DLL1: variants seen among roughly 807,000 people sequenced by gnomAD.
DLL1 encodes delta like canonical Notch ligand 1.
DLL1 carries 9 observed loss-of-function variants against 75.1 expected under a neutral mutation model. The observed-to-expected ratio is 0.12, with a 90% CI of 0.07 to 0.21. DLL1 has a LOEUF of 0.21. DLL1 is among the 10% of genes least tolerant of loss of function. DLL1 has a pLI of 1.00. For missense variants in DLL1, 837 were observed against 1,007.6 expected (o/e 0.83, Z 2.29); for synonymous variants, 477 against 418.3 (o/e 1.14, Z -1.71).
chr6:170,288,057 G>A (rs951293229), intron 4 of DLL1, 182 bp downstream of exon 4: 3 of 847,292 alleles, frequency 3.5e-6, no homozygotes, highest in African/African-American at 3.4e-5. Context: ...TGTCTGCGTT[G>A]ACCCCAACCC....
rs755985912 is a variant in DLL1, at chr6:170,285,656, G to A, written c.775C>T (p.Arg259Cys). 1.4e-5 allele frequency: 22 copies of A among 1,613,908 alleles called. No homozygotes were observed. Among genetic ancestry groups the A allele is most frequent in the African/African-American group, 6.7e-5 (5 of 74,918 alleles). Residue 259 changes from arginine to cysteine, a missense_variant, in exon 6 of 11, where the codon CGC becomes TGC. Transcript: ENST00000366756. ...WQGRYCDECI[R>C]YPGCLHGTCQ... The stretch of plus-strand genomic sequence containing the variant: ...GTGCCATGGAGACAGCCTGGATAGC[G>A]GATACACTCGTCACAGTACCGGCCC...
Position 170,290,886 on chromosome 6 carries a change from C to A in DLL1, c.-747G>T, listed in dbSNP as rs1783847614. 2.9e-6 allele frequency: 2 copies of A among 687,372 alleles called. No homozygotes were observed. Among genetic ancestry groups the A allele is most frequent in the African/African-American group, 3.5e-5 (2 of 56,886 alleles). 42.6% of individuals were successfully genotyped at this position (687,372 alleles called of 1,614,324 possible). On this transcript the variant is annotated 5_prime_UTR_variant, in exon 1 of 11. Transcript: ENST00000366756. This position sits in a 1 kb window ranked among gnomAD's most constrained non-coding sequence, Gnocchi z 4.7. ...GCTGCCCGGGTTCCCCTGCGCTCTG[C>A]CCTCGGCCGGGTCGGGTCTCCGCGG... is the stretch of plus-strand genomic sequence containing the variant.
intron 8 of DLL1, among the ~76,000 whole-genome samples, chr6:170,284,677 C>A (rs1369681676): frequency 1.3e-5 from 2 of 152,182 alleles, no homozygotes; most frequent in Non-Finnish European, 2.9e-5. Context: ...ACCTTGTGGC[C>A]CTGAGCAAGT....
Position 170,283,493 on chromosome 6 carries a change from A to G in DLL1, c.1786T>C (p.Cys596Arg). 1.2e-6 allele frequency: 2 copies of G among 1,613,608 alleles called. No homozygotes were observed. Among genetic ancestry groups the G allele is most frequent in the Non-Finnish European group, 1.7e-6 (2 of 1,180,022 alleles). Residue 596 changes from cysteine to arginine, a missense_variant, in exon 9 of 11, where the codon TGC becomes CGC. Cys to Arg is a radical substitution (Grantham distance 180). Around this residue, in one of 2 missense-constraint regions of DLL1, gnomAD observed 533 missense variants for 545.7 expected, o/e 0.98. Coordinates refer to ENST00000366756, the MANE Select transcript of DLL1 (RefSeq NM_005618.4). ...ETETMNNLAN[C>R]QREKDISVSI... is the part of the protein sequence containing the mutation. ...ACTGAGATGTCCTTCTCACGCTGGC[A>G]GTTGGCCAGGTTGTTCATGGTCTCC...
chr6:170,285,262 T>A lies in DLL1; in HGVS notation c.1024A>T (p.Ser342Cys), dbSNP rs1228920500. The A allele has an allele frequency of 6.2e-7, 1 of 1,613,974 alleles. No homozygotes were observed. The highest frequency in any genetic ancestry group is 1.3e-5 in the African/African-American group (1 of 74,880). The change falls in exon 7 of 11, where the codon AGC becomes TGC. Residue 342 changes from serine to cysteine, a missense_variant. Transcript: ENST00000366756. Reference sequence around the variant, plus strand: ...TGGAGCCTCCGACTCACCGTGCAGCTCCCTCCGTTCTTACAAGGGCTGGGG... The same window carrying A: ...TGGAGCCTCCGACTCACCGTGCAGCACCCTCCGTTCTTACAAGGGCTGGGG... Reference protein sequence around the residue: ...CDPSPCKNGGSCTDLENSYSC... With the variant: ...CDPSPCKNGGCCTDLENSYSC...
In DLL1 at chr6:170,285,001, G is replaced by A. The variant is rs564085554; in HGVS notation, c.1167C>T (p.Tyr389=). The A allele has an allele frequency of 2.5e-6, 4 of 1,614,156 alleles. No homozygotes were observed. Among genetic ancestry groups the A allele is most frequent in the African/African-American group, 2.7e-5 (2 of 75,036 alleles). ...GRCSDSPDGG[Y]SCRCPVGYSG... is the part of the protein sequence containing the mutation. ...AGTAGCCCACGGGGCAGCGGCAGCT[G>A]TACCCTCCATCGGGGCTGTCTGAGC... Residue 389 remains tyrosine (Y), a synonymous_variant, in exon 8 of 11, where the codon TAC becomes TAT. Transcript: ENST00000366756.
At chr6:170,288,182 T>C in intron 4 of DLL1, 57 bp downstream of exon 4, 1 of 1,612,418 alleles carries the variant, frequency 6.2e-7, no homozygotes, top group Non-Finnish European at 8.5e-7. Context: ...GCCCCGTCCC[T>C]GCGCGCGGTC....
chr6:170,285,014 G>A lies in DLL1; in HGVS notation c.1154C>T (p.Pro385Leu), dbSNP rs1355953420. 6.2e-7 allele frequency: 1 copy of A among 1,614,050 alleles called. No individual in the cohort carries two copies. ...CFNGGRCSDS[P>L]DGGYSCRCPV... is the part of the protein sequence containing the mutation. ...GCAGCGGCAGCTGTACCCTCCATCG[G>A]GGCTGTCTGAGCACCGACCCCCGTT... The change falls in exon 8 of 11, where the codon CCC becomes CTC. Residue 385 changes from proline (P) to leucine (L), a missense_variant. Around this residue, in one of 2 missense-constraint regions of DLL1, gnomAD observed 533 missense variants for 545.7 expected, o/e 0.98. Coordinates refer to ENST00000366756, the MANE Select transcript of DLL1 (RefSeq NM_005618.4).
At position 170,285,558 on chromosome 6, in the gene DLL1, A is replaced by G. The variant is rs1306863249; in HGVS notation, c.862+11T>C. 3.1e-6 allele frequency: 5 copies of G among 1,614,086 alleles called. No individual in the cohort carries two copies. In the South Asian group the frequency reaches 5.5e-5, roughly 18 times the overall value. On this transcript the variant is annotated intron_variant, in intron 6 of 10. Coordinates refer to ENST00000366756, the MANE Select transcript of DLL1 (RefSeq NM_005618.4). ...GGAGGGAGCAGGCTGCCTCAGGGAG[A>G]GAAGGCTTACCCTGGTTGCAGAAAA...
At chr6:170,286,410 G>A in intron 4 of DLL1, 112 bp from the exon 5 acceptor site, 2 of 1,332,432 alleles carry the variant, frequency 1.5e-6, no homozygotes, top group Non-Finnish European at 2.2e-6. Flanking sequence ...AATCCCAGCT[G>A]AGTTAATCTT....
chr6:170,286,136 G>A, intron 5 of DLL1, 102 bp downstream of exon 5: 1 of 1,452,014 alleles, frequency 6.9e-7, no homozygotes, highest in Non-Finnish European at 9.6e-7. Context: ...TCTTACTGGA[G>A]TTTTTCGAAT....
rs1409013913 is a variant in DLL1, at chr6:170,290,779, T to C, written c.-640A>G. ...GTGTCACAGCAAAGATCCGCGTCTT[T>C]CCGATGAATCCAGCCAATGCCATCC... On this transcript the variant is annotated 5_prime_UTR_variant, in exon 1 of 11. Coordinates refer to ENST00000366756, the MANE Select transcript of DLL1 (RefSeq NM_005618.4). The surrounding 1 kb of genome is among the most constrained non-coding windows in gnomAD (Gnocchi z 4.7). The C allele has an allele frequency of 1.9e-6, 1 of 527,032 alleles. No individual in the cohort carries two copies. 32.6% of individuals were successfully genotyped at this position (527,032 alleles called of 1,614,324 possible). A position where few individuals can be genotyped will look rare whatever the true frequency, so the allele number is the denominator to read the frequency against.
At position 170,290,164 on chromosome 6, in the gene DLL1, T is replaced by TG. The variant is rs557481627; in HGVS notation, c.-26dup. 87 of 1,588,014 alleles carry TG rather than the reference T, an allele frequency of 5.5e-5. No individual in the cohort carries two copies. In the East Asian group the frequency reaches 1.0e-3, roughly 19 times the overall value. On this transcript the variant is annotated 5_prime_UTR_variant, in exon 1 of 11. Transcript: ENST00000366756. This position sits in a 1 kb window ranked among gnomAD's most constrained non-coding sequence, Gnocchi z 4.7. ...TGCTGCTTCGCTCCACGCGCGAGCC[T>TG]GGGGGGCCCCCACTTCTCTCCTTAG...
At chr6:170,288,899 C>T in intron 2 of DLL1, 110 bp from the exon 3 acceptor site, 1 of 1,219,996 alleles carries the variant, frequency 8.2e-7, no homozygotes. Context: ...CTGAAGGCTG[C>T]AGGTCTGGGG....
In DLL1 at chr6:170,289,503, G is replaced by A. The variant is rs1290663130; in HGVS notation, c.351+9C>T. ...GGGCCGGCCCGGCGCGCGCAGGTGC[G>A]GCACTCACCGGCCAGGTGAAGCCGA... On this transcript the variant is annotated intron_variant, in intron 2 of 10. Coordinates refer to ENST00000366756, the MANE Select transcript of DLL1 (RefSeq NM_005618.4). The A allele has an allele frequency of 1.3e-6, 2 of 1,533,582 alleles. No individual in the cohort carries two copies. Among genetic ancestry groups the A allele is most frequent in the Non-Finnish European group, 1.7e-6 (2 of 1,145,844 alleles). 95.0% of individuals were successfully genotyped at this position (1,533,582 alleles called of 1,614,324 possible).
chr6:170,287,674 G>A (rs1442333447), intron 4 of DLL1, among the ~76,000 whole-genome samples: 5 of 152,234 alleles, frequency 3.3e-5, no homozygotes, highest in African/African-American at 4.8e-5. Flanking sequence ...CGCCCACACA[G>A]GCCTTGGAGA....
chr6:170,285,836 TG>T, intron 5 of DLL1, 137 bp from the exon 6 acceptor site: 1 of 1,313,990 alleles, frequency 7.6e-7, no homozygotes, highest in Admixed American at 1.9e-5. Flanking sequence ...TGGGTCACCT[TG>T]GGAGCTGCAG....
intron 2 of DLL1, chr6:170,289,310 T>C (rs1324358352): frequency 3.4e-6 from 3 of 873,310 alleles, no homozygotes; most frequent in Admixed American, 4.9e-5. Flanking sequence ...GGTCCCCTCC[T>C]GCAGGCCGCG....
Position 170,283,238 on chromosome 6 carries a change from G to C in DLL1, c.2041C>G (p.Leu681Val). The change falls in exon 9 of 11, where the codon CTC becomes GTC. Residue 681 changes from leucine to valine, a missense_variant. Physicochemically the swap from Leu to Val is conservative, Grantham distance 32. Transcript: ENST00000366756. ...SGEEKGTPTT[L>V]RGGEASERKR... Reference sequence around the variant, plus strand: ...CCGGCCCGCAGCACGCACCCCCTGAGTGTGGTCGGGGTCCCCTTCTCCTCC... The same window carrying C: ...CCGGCCCGCAGCACGCACCCCCTGACTGTGGTCGGGGTCCCCTTCTCCTCC... The C allele has an allele frequency of 1.2e-6, 2 of 1,612,708 alleles. No individual in the cohort carries two copies. The highest frequency in any genetic ancestry group is 1.7e-6 in the Non-Finnish European group (2 of 1,179,862).
Sources: allele counts gnomAD v4.1 joint callset (sites outside exome capture counted in the v4.1 genomes callset), GRCh38; gene constraint gnomAD v4.1.1; regional missense constraint gnomAD v4.1.1; non-coding constraint Gnocchi (gnomAD v3.1); transcripts MANE v1.5; gene names NCBI Gene and HGNC (gene_info 2026-07-23, HGNC 2026-07-21).